Variants in ANKH observed in about 807,000 individuals in gnomAD.
ANKH encodes mineralization regulator ANKH.
ANKH carries 15 observed loss-of-function variants against 49.0 expected under a neutral mutation model. The ratio of observed to expected loss-of-function variants is 0.31; its 90% CI spans 0.20 to 0.47. The LOEUF (loss-of-function observed/expected upper bound fraction) is 0.47. Ranked by LOEUF, ANKH falls within the 20% of genes least tolerant of loss-of-function variation. The pLI, the probability that ANKH is intolerant of heterozygous loss-of-function variation, is 1.00. For synonymous variants in ANKH, 273 were observed against 260.0 expected (o/e 1.05, Z -0.48); for missense variants, 429 against 652.0 (o/e 0.66, Z 3.72).
intron 2 of ANKH, among the ~76,000 whole-genome samples, chr5:14,760,225 C>T (rs1268196074): frequency 1.3e-5 from 2 of 152,054 alleles, no homozygotes; most frequent in East Asian, 3.9e-4. Context: ...TGTCACGTGG[C>T]AGAAAGAAGA....
chr5:14,717,957 G>A (rs1256512824), intron 8 of ANKH, among the ~76,000 whole-genome samples: 1 of 152,150 alleles, frequency 6.6e-6, no homozygotes, highest in African/African-American at 2.4e-5. Context: ...ATGGAAAACG[G>A]GGGAATTAAG....
chr5:14,794,495 T>C (rs1419427341), intron 1 of ANKH, among the ~76,000 whole-genome samples: 1 of 152,234 alleles, frequency 6.6e-6, no homozygotes, highest in Non-Finnish European at 1.5e-5. Flanking sequence ...TTCTTTCGTA[T>C]CCTAATTATC....
At chr5:14,856,646 G>A (rs1232747939) in intron 1 of ANKH, among the ~76,000 whole-genome samples, 1 of 126,510 alleles carries the variant, frequency 7.9e-6, no homozygotes, top group African/African-American at 3.0e-5. Flanking sequence ...ATACAGACTC[G>A]AAATAACAAA....
At chr5:14,731,304 C>T (rs1737993807) in intron 8 of ANKH, among the ~76,000 whole-genome samples, 1 of 152,074 alleles carries the variant, frequency 6.6e-6, no homozygotes, top group Non-Finnish European at 1.5e-5. Context: ...ATGGTGGTAC[C>T]AAACAATGTG....
At chr5:14,795,718 C>T (rs1241885502) in intron 1 of ANKH, among the ~76,000 whole-genome samples, 4 of 152,046 alleles carry the variant, frequency 2.6e-5, no homozygotes, top group Non-Finnish European at 4.4e-5. Context: ...AATTAGTCGG[C>T]GTGGTGGCAC....
At chr5:14,731,998 A>G (rs538034722) in intron 8 of ANKH, among the ~76,000 whole-genome samples, 197 of 152,296 alleles carry the variant, frequency 1.3e-3, no homozygotes, top group African/African-American at 4.5e-3. Context: ...CGTGTGCCCC[A>G]CAGGACCCAG....
chr5:14,749,194 C>T lies in ANKH; in HGVS notation c.800G>A (p.Gly267Asp). 1.2e-6 allele frequency: 2 copies of T among 1,614,078 alleles called. No homozygotes were observed. Among genetic ancestry groups the T allele is most frequent in the African/African-American group, 1.3e-5 (1 of 75,036 alleles). Residue 267 changes from glycine (G) to aspartate (D), a missense_variant, in exon 6 of 12, where the codon GGT becomes GAT. Physicochemically the swap from Gly to Asp is moderately conservative, Grantham distance 94. This residue lies in a region of ANKH where 378 missense variants were observed against 615.3 expected (regional missense o/e 0.61). Transcript: ENST00000284268. ...CACCTCTGTGGCTGCAGAACTGCCACCAAGGTCCCGGGAAACAAAGAGGTT... is the reference window on the plus strand; with the variant it reads ...CACCTCTGTGGCTGCAGAACTGCCATCAAGGTCCCGGGAAACAAAGAGGTT... Reference protein sequence around the residue: ...IVNLFVSRDLGGSSAATEAVA... With the variant: ...IVNLFVSRDLDGSSAATEAVA...
At chr5:14,760,188 C>T (rs75258102) in intron 2 of ANKH, among the ~76,000 whole-genome samples, 3,643 of 151,936 alleles carry the variant, frequency 0.024, 126 homozygotes, top group African/African-American at 0.078. Flanking sequence ...CACTGAGGCA[C>T]CAAGAAGAGA....
At chr5:14,829,184 CA>C (rs56223225) in intron 1 of ANKH, among the ~76,000 whole-genome samples, 1,215 of 105,728 alleles carry the variant, frequency 0.011, 5 homozygotes, top group African/African-American at 0.027. Context: ...GACTCTGTCT[CA>C]AAAAAAAAAA....
At chr5:14,832,387 G>C (rs2126600053) in intron 1 of ANKH, among the ~76,000 whole-genome samples, 1 of 152,212 alleles carries the variant, frequency 6.6e-6, no homozygotes, top group East Asian at 1.9e-4. Flanking sequence ...GCTGCAGTGA[G>C]GGTTAAAAAA....
intron 8 of ANKH, among the ~76,000 whole-genome samples, chr5:14,727,030 G>A (rs1472815046): frequency 2.6e-5 from 4 of 152,188 alleles, no homozygotes; most frequent in African/African-American, 9.6e-5. Flanking sequence ...TGATGATGAT[G>A]ACCATCACAG....
chr5:14,832,056 T>C (rs1347742062), intron 1 of ANKH, among the ~76,000 whole-genome samples: 1 of 152,152 alleles, frequency 6.6e-6, no homozygotes, highest in Non-Finnish European at 1.5e-5. Flanking sequence ...TGCACACAGC[T>C]CTACTCAAAA....
intron 8 of ANKH, among the ~76,000 whole-genome samples, chr5:14,717,820 C>A (rs1382121848): frequency 6.6e-6 from 1 of 152,148 alleles, no homozygotes; most frequent in Non-Finnish European, 1.5e-5. Flanking sequence ...CATCCCTAAT[C>A]CCAAAATACA....
At chr5:14,716,888 A>G in intron 8 of ANKH, 53 bp from the exon 9 acceptor site, 1 of 1,605,712 alleles carries the variant, frequency 6.2e-7, no homozygotes, top group Non-Finnish European at 8.5e-7. Flanking sequence ...AAGCAGGTGA[A>G]ATGAGCAGAT....
At chr5:14,793,024 A>C (rs1740232988) in intron 1 of ANKH, among the ~76,000 whole-genome samples, 1 of 43,130 alleles carries the variant, frequency 2.3e-5, no homozygotes, top group East Asian at 5.1e-4. Flanking sequence ...ATATATAAAT[A>C]TATATATATA....
intron 1 of ANKH, among the ~76,000 whole-genome samples, chr5:14,794,172 T>C (rs1054238188): frequency 1.2e-4 from 18 of 152,334 alleles, no homozygotes; most frequent in African/African-American, 3.6e-4. Context: ...TGTTGGGAAG[T>C]GTACTGGGAA....
chr5:14,863,820 A>C (rs552188871), intron 1 of ANKH, among the ~76,000 whole-genome samples: 1 of 152,302 alleles, frequency 6.6e-6, no homozygotes, highest in Admixed American at 6.5e-5. Flanking sequence ...CCATTGTCCC[A>C]AACCAAATAT....
rs80304133 is a variant in ANKH, at chr5:14,819,954, T to C, written c.97-50763A>G. Among the ~76,000 whole-genome samples the C allele has an allele frequency of 1.8e-3, 279 of 151,326 alleles. 2 individuals are homozygous for C. The highest frequency in any genetic ancestry group is 6.6e-3 in the African/African-American group (269 of 41,002). ...ACACACACACATTAAGCCTAATCTC[T>C]AACAACCTTTGCAACTCATTATATA... On this transcript the variant is annotated intron_variant, in intron 1 of 11. Coordinates refer to ENST00000284268, the MANE Select transcript of ANKH (RefSeq NM_054027.6).
intron 1 of ANKH, among the ~76,000 whole-genome samples, chr5:14,867,587 C>T (rs1339443255): frequency 6.6e-6 from 1 of 151,760 alleles, no homozygotes; most frequent in Non-Finnish European, 1.5e-5. Context: ...GAGTCTCGCT[C>T]TGTCGCCCAG....
Sources: gnomAD v4.1 joint callset for allele counts (sites outside exome capture counted in the v4.1 genomes callset) on GRCh38, gnomAD v4.1.1 for gene constraint, gnomAD v4.1.1 regional missense constraint, MANE v1.5 for transcripts, NCBI Gene and HGNC (gene_info 2026-07-23, HGNC 2026-07-21) for gene names.